Variants in HEATR4 observed in about 807,000 individuals in gnomAD.
The protein encoded by HEATR4 is HEAT repeat-containing protein 4.
Under a neutral mutation model 108.8 loss-of-function variants are expected in HEATR4, and 95 were observed. The observed-to-expected ratio is 0.87, with a 90% CI of 0.74 to 1.04. HEATR4 has a LOEUF of 1.04. Ranked by LOEUF, HEATR4 falls within the 50% of genes least tolerant of loss-of-function variation. The pLI is 0.00. For synonymous variants in HEATR4, 443 were observed against 459.4 expected (o/e 0.96, Z 0.46); for missense variants, 1,152 against 1,253.8 (o/e 0.92, Z 1.23).
chr14:73,483,585 T>C (rs550110255), intron 17 of HEATR4, among the ~76,000 whole-genome samples: 53 of 152,310 alleles, frequency 3.5e-4, no homozygotes, highest in African/African-American at 1.2e-3. Flanking sequence ...TCAAGCACAA[T>C]TGTATATTAG....
At chr14:73,604,164 C>CT in the HEATR4 span, among the ~76,000 whole-genome samples, 770 of 120,746 alleles carry the variant, frequency 6.4e-3, 37 homozygotes, top group Admixed American at 7.7e-3. Context: ...TTGCTAATTT[C>CT]TTTTTTTTTT....
At position 73,522,472 on chromosome 14, in the gene HEATR4, C is replaced by G; in HGVS notation, c.681G>C (p.Gly227=). The part of the protein sequence containing the change: ...WIQSKRPRRP[G]ASPNKWQSFL... The stretch of plus-strand genomic sequence containing the variant: ...AGCTCTGCCACTTGTTGGGGGATGC[C>G]CCAGGCCTTCGAGGACGCTTGCTCT... The change falls in exon 3 of 18, where the codon GGG becomes GGC. Residue 227 remains glycine, a synonymous_variant. Coordinates refer to ENST00000553558, the MANE Select transcript of HEATR4 (RefSeq NM_001220484.1). The G allele has an allele frequency of 6.2e-7, 1 of 1,614,186 alleles. No individual in the cohort carries two copies. Among genetic ancestry groups the G allele is most frequent in the East Asian group, 2.2e-5 (1 of 44,876 alleles).
intron 2 of HEATR4, chr14:73,527,227 A>C (rs1382554838): frequency 2.6e-5 from 4 of 151,982 alleles, no homozygotes; most frequent in Non-Finnish European, 5.9e-5. Flanking sequence ...TAAATACCTA[A>C]CTCTTCAATG....
Position 73,523,122 on chromosome 14 carries a change from G to C in HEATR4, c.31C>G (p.Leu11Val). ...AGTGACTGATAGAAGCAATGGGGGA[G>C]AAAGGTCTTTCCCTTCTGGGTCCTG... Reference protein sequence around the residue: MTRTQKGKTFLPHCFYQSLPP... With the variant: MTRTQKGKTFVPHCFYQSLPP... The change falls in exon 3 of 18, where the codon CTC (leucine) becomes GTC (valine). Residue 11 changes from leucine to valine, a missense_variant. Physicochemically the swap from Leu to Val is conservative, Grantham distance 32 (BLOSUM62 1). Transcript: ENST00000553558. 1.9e-6 allele frequency: 3 copies of C among 1,605,458 alleles called. No individual in the cohort carries two copies. The highest frequency in any genetic ancestry group is 2.5e-6 in the Non-Finnish European group (3 of 1,179,662).
chr14:73,492,558 T>C lies in HEATR4; in HGVS notation c.2844+508A>G, dbSNP rs1222193610. ...ATTCACGATTCTCTGCCCCCTGTTT[T>C]GACTGATAGGGAGAGGGCACTAAGT... On this transcript the variant is annotated intron_variant, in intron 17 of 17. Transcript: ENST00000553558. The surrounding 1 kb of genome is among the most constrained non-coding windows in gnomAD (Gnocchi z 4.9). 7 of 1,613,882 alleles carry C rather than the reference T, an allele frequency of 4.3e-6. No individual in the cohort carries two copies. Among genetic ancestry groups the C allele is most frequent in the Non-Finnish European group, 5.9e-6 (7 of 1,179,834 alleles).
the HEATR4 span, among the ~76,000 whole-genome samples, chr14:73,576,651 CAG>C: frequency 6.6e-6 from 1 of 151,198 alleles, no homozygotes; most frequent in Non-Finnish European, 1.5e-5. Context: ...AAAAAATAGC[CAG>C]ACATTGGTGG....
chr14:73,567,878 C>T, the HEATR4 span: 1 of 151,980 alleles, frequency 6.6e-6, no homozygotes. Context: ...CGGTGAGAAG[C>T]GAGACCATGA....
chr14:73,513,596 G>A (rs565989624), intron 6 of HEATR4, among the ~76,000 whole-genome samples: 44 of 150,946 alleles, frequency 2.9e-4, no homozygotes, highest in African/African-American at 1.0e-3. Context: ...GTGTGGTGGC[G>A]GGTGCCTGTA....
At chr14:73,509,835 TA>T (rs1199970874) in intron 7 of HEATR4, among the ~76,000 whole-genome samples, 1 of 41,744 alleles carries the variant, frequency 2.4e-5, no homozygotes, top group Non-Finnish European at 5.0e-5. Context: ...TATATATATA[TA>T]TATATATATA....
At chr14:73,575,602 GT>G in the HEATR4 span, 1 of 1,569,318 alleles carries the variant, frequency 6.4e-7, no homozygotes, top group Non-Finnish European at 8.6e-7. Context: ...TCATTCTTTT[GT>G]TTTTAATAAC....
chr14:73,493,315 C>T lies in HEATR4; in HGVS notation c.2786-191G>A, dbSNP rs56834978. The T allele has an allele frequency of 1.0e-3, 583 of 564,968 alleles. 3 individuals carry two copies. The highest frequency in any genetic ancestry group is 0.01 in the African/African-American group (527 of 52,384). The allele number at this position is 564,968 out of a possible 1,614,324, so 35.0% of individuals were successfully genotyped here. A position where few individuals can be genotyped will look rare whatever the true frequency, so the allele number is the denominator to read the frequency against. ...TTTCATCTGAGTTCTTTTTCATGGG[C>T]GGGTCGGGGTCAGTATCCTGTTTGT... On this transcript the variant is annotated intron_variant, in intron 16 of 17. Transcript: ENST00000553558.
chr14:73,526,184 T>A (rs1354761324), intron 2 of HEATR4, among the ~76,000 whole-genome samples: 2 of 152,098 alleles, frequency 1.3e-5, no homozygotes, highest in Non-Finnish European at 2.9e-5. Context: ...TGCTGCCCTG[T>A]CACAGCACAG....
chr14:73,631,324 C>G, the HEATR4 span, among the ~76,000 whole-genome samples: 11 of 152,064 alleles, frequency 7.2e-5, no homozygotes, highest in Non-Finnish European at 1.3e-4. Flanking sequence ...TGCTCTGTCA[C>G]CCAGGCTGGG....
chr14:73,579,643 C>T, the HEATR4 span, among the ~76,000 whole-genome samples: 1 of 150,820 alleles, frequency 6.6e-6, no homozygotes, highest in Admixed American at 6.6e-5. Flanking sequence ...TCTTAAACAC[C>T]TGGGCTCAGG....
the HEATR4 span, among the ~76,000 whole-genome samples, chr14:73,627,128 A>G: frequency 6.6e-6 from 1 of 151,576 alleles, no homozygotes; most frequent in Non-Finnish European, 1.5e-5. Flanking sequence ...CACCAGGCAT[A>G]GACTTCTCCT....
At chr14:73,586,104 A>T in the HEATR4 span, among the ~76,000 whole-genome samples, 2 of 151,872 alleles carry the variant, frequency 1.3e-5, no homozygotes, top group African/African-American at 2.4e-5. Context: ...TTACTTAAAA[A>T]TTTTTTAGGC....
chr14:73,628,739 G>GCGAGAGTA, the HEATR4 span, among the ~76,000 whole-genome samples: 1 of 148,766 alleles, frequency 6.7e-6, no homozygotes, highest in East Asian at 2.0e-4. Context: ...GGCAACAAGA[G>GCGAGAGTA]TGAAACTCCA....
the HEATR4 span, among the ~76,000 whole-genome samples, chr14:73,598,504 G>T: frequency 6.6e-6 from 1 of 152,120 alleles, no homozygotes; most frequent in Non-Finnish European, 1.5e-5. Flanking sequence ...TGCAGGCGAG[G>T]TCATAGAACG....
chr14:73,493,709 G>A (rs980547163), intron 16 of HEATR4, among the ~76,000 whole-genome samples: 4 of 152,086 alleles, frequency 2.6e-5, no homozygotes, highest in African/African-American at 9.7e-5. Flanking sequence ...ATAGTGGTGC[G>A]TGCCTGTAAT....
Sources: gnomAD v4.1 joint callset for allele counts (sites outside exome capture counted in the v4.1 genomes callset) on GRCh38, gnomAD v4.1.1 for gene constraint, Gnocchi (gnomAD v3.1) non-coding constraint, MANE v1.5 for transcripts, NCBI Gene and HGNC (gene_info 2026-07-23, HGNC 2026-07-21) for gene names.